The following DENND1B variants were observed in gnomAD, a reference collection of about 807,000 sequenced individuals.
DENND1B encodes the protein DENN domain containing 1B.
Under a neutral mutation model 90.1 loss-of-function variants are expected in DENND1B, and 59 were observed. The observed-to-expected ratio is 0.65, with a 90% CI of 0.53 to 0.81. The LOEUF (loss-of-function observed/expected upper bound fraction) is 0.81. Ranked by LOEUF, DENND1B falls within the 40% of genes least tolerant of loss-of-function variation. The probability of loss-of-function intolerance (pLI) is 0.00; values close to 1 mark genes in which losing one functional copy is unlikely to be tolerated. For missense variants in DENND1B, 862 were observed against 912.6 expected, an observed-to-expected ratio of 0.94 and a Z score of 0.71; for synonymous variants, 337 against 324.6, an observed-to-expected ratio of 1.04 and a Z score of -0.41.
chr1:197,723,327 G>C (rs1022114712), intron 2 of DENND1B, among the ~76,000 whole-genome samples: 5 of 152,178 alleles, frequency 3.3e-5, no homozygotes, highest in Admixed American at 3.3e-4. Flanking sequence ...AAAACACCTT[G>C]ACAAAGAAAG....
chr1:197,561,169 T>C (rs113011236), intron 15 of DENND1B, among the ~76,000 whole-genome samples: 1,723 of 152,050 alleles, frequency 0.011, 33 homozygotes, highest in African/African-American at 0.04. Context: ...CACAGCAAAA[T>C]TCAAAAGAGC....
upstream of DENND1B, among the ~76,000 whole-genome samples, chr1:197,778,560 C>G (rs1286981288): frequency 2.0e-5 from 3 of 151,728 alleles, no homozygotes; most frequent in African/African-American, 7.3e-5. Flanking sequence ...GCCTGTAGTC[C>G]CAGATAATAA....
intron 3 of DENND1B, among the ~76,000 whole-genome samples, chr1:197,704,212 C>T (rs1292135929): frequency 1.3e-5 from 2 of 152,138 alleles, no homozygotes; most frequent in Non-Finnish European, 2.9e-5. Flanking sequence ...GTCATGAGGG[C>T]ACTACTGCAC....
chr1:197,654,259 G>A (rs1653559744), intron 6 of DENND1B, among the ~76,000 whole-genome samples: 1 of 152,010 alleles, frequency 6.6e-6, no homozygotes, highest in Non-Finnish European at 1.5e-5. Context: ...CCAAGTGACA[G>A]AACTGATTAT....
intron 3 of DENND1B, among the ~76,000 whole-genome samples, chr1:197,680,482 A>C (rs1318467950): frequency 3.3e-5 from 5 of 152,178 alleles, no homozygotes; most frequent in African/African-American, 1.2e-4. Flanking sequence ...TTTTAGAAAA[A>C]GTTTTACAGC....
intron 3 of DENND1B, among the ~76,000 whole-genome samples, chr1:197,692,819 T>C (rs1658045072): frequency 6.6e-6 from 1 of 151,690 alleles, no homozygotes; most frequent in Non-Finnish European, 1.5e-5. Context: ...ATAAAAGCAG[T>C]TGTTCTTGGA....
chr1:197,779,626 CTTTCTTCAGCTTTGTCTCA>C (rs1471769188), upstream of DENND1B, among the ~76,000 whole-genome samples: 1 of 151,852 alleles, frequency 6.6e-6, no homozygotes, highest in Non-Finnish European at 1.5e-5. Context: ...TTCACTAATT[CTTTCTTCAGCTTTGTCTCA>C]TTTTCTGTCA....
At chr1:197,770,691 AAT>A (rs1311560043) in intron 2 of DENND1B, among the ~76,000 whole-genome samples, 2 of 142,410 alleles carry the variant, frequency 1.4e-5, no homozygotes, top group African/African-American at 2.6e-5. Flanking sequence ...CATATCTATA[AAT>A]ATATATCTAT....
At chr1:197,682,385 T>C (rs1377576637) in intron 3 of DENND1B, among the ~76,000 whole-genome samples, 1 of 152,196 alleles carries the variant, frequency 6.6e-6, no homozygotes, top group Non-Finnish European at 1.5e-5. Flanking sequence ...AAACAGATTA[T>C]TTAATGAAGA....
chr1:197,659,422 G>A (rs963613553), intron 5 of DENND1B, among the ~76,000 whole-genome samples: 5 of 151,838 alleles, frequency 3.3e-5, no homozygotes, highest in African/African-American at 1.2e-4. Context: ...TCAGCAGAAT[G>A]TTATAGCGTT....
intron 5 of DENND1B, among the ~76,000 whole-genome samples, chr1:197,665,813 T>A (rs576980035): frequency 6.6e-6 from 1 of 152,092 alleles, no homozygotes; most frequent in African/African-American, 2.4e-5. Flanking sequence ...AATGAGAAGA[T>A]TTTTATGAAA....
At chr1:197,743,800 T>C (rs763186428) in intron 2 of DENND1B, among the ~76,000 whole-genome samples, 10 of 152,146 alleles carry the variant, frequency 6.6e-5, no homozygotes, top group South Asian at 2.1e-4. Flanking sequence ...CTGGGCAACA[T>C]AGCAAGACCC....
At chr1:197,650,383 G>A (rs1558355616) in intron 7 of DENND1B, among the ~76,000 whole-genome samples, 1 of 152,094 alleles carries the variant, frequency 6.6e-6, no homozygotes, top group Non-Finnish European at 1.5e-5. Context: ...TGGCCTGGAT[G>A]CGGTGATCAA....
chr1:197,721,443 C>T (rs1034635756), intron 2 of DENND1B, among the ~76,000 whole-genome samples: 2 of 152,018 alleles, frequency 1.3e-5, no homozygotes, highest in African/African-American at 4.8e-5. Context: ...TGAGAACTAA[C>T]AGCATGGACT....
chr1:197,745,619 TATATATA>T (rs1558472088), intron 2 of DENND1B, among the ~76,000 whole-genome samples: 6 of 105,912 alleles, frequency 5.7e-5, no homozygotes, highest in Non-Finnish European at 1.3e-4. Context: ...ATATATATTA[TATATATA>T]TATATATATA....
intron 2 of DENND1B, among the ~76,000 whole-genome samples, chr1:197,736,795 C>A (rs1662733176): frequency 6.6e-6 from 1 of 152,214 alleles, no homozygotes; most frequent in Non-Finnish European, 1.5e-5. Flanking sequence ...CAAGGCTCTA[C>A]TGATCTTGCT....
intron 20 of DENND1B, among the ~76,000 whole-genome samples, chr1:197,535,800 T>A (rs1198970536): frequency 6.6e-6 from 1 of 152,172 alleles, no homozygotes; most frequent in Non-Finnish European, 1.5e-5. Context: ...GAAGAATTAA[T>A]GCCTGGTCCA....
At chr1:197,545,743 C>T in intron 18 of DENND1B, 179 bp downstream of exon 18, 1 of 530,530 alleles carries the variant, frequency 1.9e-6, no homozygotes, top group Non-Finnish European at 3.3e-6. Context: ...AAGAAACTAC[C>T]CTCTGCATGC....
intron 2 of DENND1B, among the ~76,000 whole-genome samples, chr1:197,758,209 A>G (rs1288902217): frequency 6.6e-6 from 1 of 152,226 alleles, no homozygotes; most frequent in African/African-American, 2.4e-5. Context: ...TTTCAAAGTG[A>G]AATTCACTAA....
Sources: gnomAD v4.1 joint callset for allele counts (sites outside exome capture counted in the v4.1 genomes callset) on GRCh38, gnomAD v4.1.1 for gene constraint, MANE v1.5 for transcripts, NCBI Gene and HGNC (gene_info 2026-07-23, HGNC 2026-07-21) for gene names.